GPC5: variants seen among roughly 807,000 people sequenced by gnomAD.
GPC5 encodes glypican-5.
Under a neutral mutation model 53.9 loss-of-function variants are expected in GPC5, and 47 were observed. The ratio of observed to expected loss-of-function variants is 0.87; its 90% CI spans 0.69 to 1.11. The LOEUF is 1.11. GPC5 is among the 50% of genes most tolerant of loss of function. The pLI, the probability that GPC5 is intolerant of heterozygous loss-of-function variation, is 0.00. For missense variants in GPC5, 748 were observed against 713.1 expected, an observed-to-expected ratio of 1.05 and a Z score of -0.56; for synonymous variants, 286 against 263.3, an observed-to-expected ratio of 1.09 and a Z score of -0.84.
intron 5 of GPC5, among the ~76,000 whole-genome samples, chr13:91,864,325 T>C (rs754737377): frequency 6.6e-6 from 1 of 152,232 alleles, no homozygotes; most frequent in African/African-American, 2.4e-5. Flanking sequence ...TAAGGTTTAC[T>C]TAGGTAAGCT....
At chr13:92,330,973 A>G (rs970159633) in intron 7 of GPC5, among the ~76,000 whole-genome samples, 4 of 152,208 alleles carry the variant, frequency 2.6e-5, no homozygotes, top group Non-Finnish European at 5.9e-5. Flanking sequence ...AGTTATTTTC[A>G]TATTTCATAG....
At chr13:91,558,131 A>G (rs1200140320) in intron 2 of GPC5, among the ~76,000 whole-genome samples, 2 of 152,116 alleles carry the variant, frequency 1.3e-5, no homozygotes, top group African/African-American at 4.8e-5. Flanking sequence ...GACAGTTTCT[A>G]CTGAAGCTGT....
intron 6 of GPC5, among the ~76,000 whole-genome samples, chr13:92,119,185 TC>T (rs2041624741): frequency 6.6e-6 from 1 of 151,988 alleles, no homozygotes; most frequent in African/African-American, 2.4e-5. Context: ...GCAGGGGAAC[TC>T]CCCTTTATAA....
intron 2 of GPC5, among the ~76,000 whole-genome samples, chr13:91,467,765 G>T (rs142595359): frequency 2.9e-4 from 44 of 152,172 alleles, no homozygotes; most frequent in Admixed American, 2.8e-3. Flanking sequence ...GACCTTTTAA[G>T]TTGTCTTCTT....
chr13:92,439,434 T>A (rs1429165804), intron 7 of GPC5, among the ~76,000 whole-genome samples: 2 of 152,202 alleles, frequency 1.3e-5, no homozygotes, highest in Non-Finnish European at 2.9e-5. Context: ...GGAATAAATC[T>A]GAATACTTTC....
intron 6 of GPC5, among the ~76,000 whole-genome samples, chr13:91,950,977 T>G (rs1254854744): frequency 6.6e-6 from 1 of 152,150 alleles, no homozygotes; most frequent in Non-Finnish European, 1.5e-5. Context: ...CTGCTATTAC[T>G]ACTCCTCCAA....
chr13:91,540,377 G>A (rs190755592), intron 2 of GPC5, among the ~76,000 whole-genome samples: 15 of 152,278 alleles, frequency 9.9e-5, no homozygotes, highest in Admixed American at 9.1e-4. Context: ...GCCACATACT[G>A]TATGATTCTA....
At chr13:92,701,537 A>G (rs995093476) in intron 7 of GPC5, 1 of 152,178 alleles carries the variant, frequency 6.6e-6, no homozygotes, top group African/African-American at 2.4e-5. Flanking sequence ...AGGGACATAC[A>G]TGGCAGTGAA....
intron 2 of GPC5, among the ~76,000 whole-genome samples, chr13:91,518,175 T>A (rs1885612585): frequency 6.6e-6 from 1 of 152,218 alleles, no homozygotes; most frequent in Non-Finnish European, 1.5e-5. Context: ...TTAAGAAACA[T>A]CCAATTAGAT....
At chr13:92,854,763 C>G (rs961079739) in intron 7 of GPC5, among the ~76,000 whole-genome samples, 1 of 151,776 alleles carries the variant, frequency 6.6e-6, no homozygotes, top group Admixed American at 6.6e-5. Flanking sequence ...TTTTTTGAGT[C>G]GAGTTCCTTA....
At chr13:91,564,078 A>C (rs1205220724) in intron 2 of GPC5, among the ~76,000 whole-genome samples, 1 of 152,168 alleles carries the variant, frequency 6.6e-6, no homozygotes, top group Non-Finnish European at 1.5e-5. Context: ...ACAAAGTTCC[A>C]CATGTTGGAT....
At chr13:92,859,348 C>T (rs1024547751) in intron 7 of GPC5, among the ~76,000 whole-genome samples, 8 of 152,090 alleles carry the variant, frequency 5.3e-5, no homozygotes, top group Non-Finnish European at 1.0e-4. Context: ...GTTCTGTTAA[C>T]AGCCACCTTT....
At chr13:92,334,293 C>T (rs1034771970) in intron 7 of GPC5, among the ~76,000 whole-genome samples, 2 of 152,148 alleles carry the variant, frequency 1.3e-5, no homozygotes, top group African/African-American at 4.8e-5. Context: ...CTCAGGGAGA[C>T]TGCCCCTTTA....
intron 6 of GPC5, among the ~76,000 whole-genome samples, chr13:92,017,938 T>C (rs1266775954): frequency 2.0e-5 from 3 of 150,980 alleles, no homozygotes; most frequent in Non-Finnish European, 4.4e-5. Flanking sequence ...TTCCACAAAA[T>C]GCACACATAC....
intron 5 of GPC5, among the ~76,000 whole-genome samples, chr13:91,894,210 A>T (rs1232639265): frequency 6.6e-6 from 1 of 152,144 alleles, no homozygotes; most frequent in African/African-American, 2.4e-5. Context: ...GAGCTATGAT[A>T]ATTTGTAAAA....
intron 7 of GPC5, among the ~76,000 whole-genome samples, chr13:92,524,991 A>C (rs563048056): frequency 2.0e-5 from 3 of 152,216 alleles, no homozygotes; most frequent in Admixed American, 2.0e-4. Context: ...AAAATAAAGA[A>C]AGGTTGAGTG....
intron 5 of GPC5, among the ~76,000 whole-genome samples, chr13:91,775,245 C>T (rs1372685531): frequency 6.6e-6 from 1 of 152,058 alleles, no homozygotes; most frequent in African/African-American, 2.4e-5. Context: ...CAGACTCTTA[C>T]CTGTGTTTTA....
intron 2 of GPC5, among the ~76,000 whole-genome samples, chr13:91,625,030 A>G (rs1029340773): frequency 1.3e-5 from 2 of 151,950 alleles, no homozygotes; most frequent in Non-Finnish European, 2.9e-5. Flanking sequence ...ATGCAATAAA[A>G]GTGAAATAGA....
intron 2 of GPC5, among the ~76,000 whole-genome samples, chr13:91,449,405 G>T (rs1853582): frequency 0.52 from 78,450 of 151,782 alleles, 20,609 homozygotes; most frequent in East Asian, 0.71. Context: ...ATGCAGGTTT[G>T]TTACATAGGT....
Sources: gnomAD v4.1 joint callset for allele counts (sites outside exome capture counted in the v4.1 genomes callset) on GRCh38, gnomAD v4.1.1 for gene constraint, MANE v1.5 for transcripts, NCBI Gene and HGNC (gene_info 2026-07-23, HGNC 2026-07-21) for gene names.